The following UBXN2B variants were observed in gnomAD, a reference collection of about 807,000 sequenced individuals.
UBXN2B encodes the protein UBX domain protein 2B.
UBXN2B carries 19 observed loss-of-function variants against 37.5 expected under a neutral mutation model. That is an observed-to-expected ratio of 0.51 (90% CI 0.35 to 0.74). The LOEUF is 0.74. UBXN2B is among the 30% of genes least tolerant of loss of function. The pLI is 0.01. For missense variants in UBXN2B, 370 were observed against 393.2 expected, an observed-to-expected ratio of 0.94 and a Z score of 0.50; for synonymous variants, 145 against 143.8, an observed-to-expected ratio of 1.01 and a Z score of -0.06.
Position 58,447,439 on chromosome 8 carries a change from C to G in UBXN2B, c.884C>G (p.Ala295Gly). ...FIVQSRPEFA[A>G]LDFILVTSFP... ...GTACAGTCTCGTCCTGAATTTGCGG[C>G]TCTTGACTTTATTCTTGTGACTTCA... The change falls in exon 8 of 8, where the codon GCT becomes GGT. Residue 295 changes from alanine to glycine, a missense_variant. Physicochemically the swap from Ala to Gly is moderately conservative, Grantham distance 60. Coordinates refer to ENST00000399598, the MANE Select transcript of UBXN2B (RefSeq NM_001077619.2). The G allele has an allele frequency of 6.2e-7, 1 of 1,612,922 alleles. No homozygotes were observed. Among genetic ancestry groups the G allele is most frequent in the Non-Finnish European group, 8.5e-7 (1 of 1,179,360 alleles).
chr8:58,441,151 A>G (rs530779918), intron 6 of UBXN2B, among the ~76,000 whole-genome samples: 2 of 150,688 alleles, frequency 1.3e-5, no homozygotes, highest in Admixed American at 6.6e-5. Context: ...AGCGCAGCTC[A>G]TTTTTTTTCA....
intron 2 of UBXN2B, among the ~76,000 whole-genome samples, chr8:58,427,782 A>G (rs2129604077): frequency 6.6e-6 from 1 of 152,366 alleles, no homozygotes; most frequent in African/African-American, 2.4e-5. Flanking sequence ...CACATATTTC[A>G]GAGTCATCTG....
chr8:58,425,822 C>T (rs903288537), intron 2 of UBXN2B: 35 of 1,172,744 alleles, frequency 3.0e-5, no homozygotes, highest in Non-Finnish European at 4.1e-5. Flanking sequence ...TTCTCCTCCA[C>T]CAACATCGTA....
intron 6 of UBXN2B, among the ~76,000 whole-genome samples, chr8:58,444,728 C>T (rs1808631054): frequency 6.6e-6 from 1 of 152,172 alleles, no homozygotes. Context: ...AAAGAAATTC[C>T]TTAATATCTG....
intron 6 of UBXN2B, among the ~76,000 whole-genome samples, chr8:58,440,193 T>C (rs1310241442): frequency 1.3e-5 from 2 of 152,220 alleles, no homozygotes; most frequent in Admixed American, 1.3e-4. Flanking sequence ...TTCACCACTA[T>C]ATTATATGCC....
At chr8:58,434,534 T>G in intron 5 of UBXN2B, 30 bp downstream of exon 5, 1 of 1,452,922 alleles carries the variant, frequency 6.9e-7, no homozygotes, top group Non-Finnish European at 9.3e-7. Context: ...TTCTATTTGT[T>G]ATGTAGAGTG....
At chr8:58,422,455 A>G (rs948023339) in intron 2 of UBXN2B, among the ~76,000 whole-genome samples, 20 of 152,264 alleles carry the variant, frequency 1.3e-4, no homozygotes, top group African/African-American at 4.3e-4. Context: ...ACAAAAGTCA[A>G]TTAATGATAT....
In UBXN2B at chr8:58,431,249, C is replaced by G. The variant is rs114137316; in HGVS notation, c.339+580C>G. Among the ~76,000 whole-genome samples the G allele has an allele frequency of 4.6e-3, 698 of 152,220 alleles. 2 individuals carry two copies. Among genetic ancestry groups the G allele is most frequent in the African/African-American group, 0.016 (666 of 41,524 alleles). ...CTGTAATCCTAGCACTTTGGGAGGC[C>G]GAAGCAGGCAGATCACAGTTCAAGA... On this transcript the variant is annotated intron_variant, in intron 3 of 7. Coordinates refer to ENST00000399598, the MANE Select transcript of UBXN2B (RefSeq NM_001077619.2).
chr8:58,420,133 A>G (rs1408442521), intron 2 of UBXN2B, among the ~76,000 whole-genome samples: 1 of 152,208 alleles, frequency 6.6e-6, no homozygotes, highest in Admixed American at 6.5e-5. Context: ...TTGACTCAAG[A>G]TGGATACATC....
At chr8:58,445,736 A>T (rs1585621718) in intron 6 of UBXN2B, among the ~76,000 whole-genome samples, 171 bp from the exon 7 acceptor site, 1 of 152,314 alleles carries the variant, frequency 6.6e-6, no homozygotes, top group East Asian at 1.9e-4. Context: ...TTTATGAGAG[A>T]TTAGATAAAC....
At chr8:58,444,539 G>A (rs569353114) in intron 6 of UBXN2B, among the ~76,000 whole-genome samples, 7 of 152,146 alleles carry the variant, frequency 4.6e-5, no homozygotes, top group African/African-American at 9.7e-5. Context: ...TGGTAGTGAC[G>A]ATGATAATGT....
intron 5 of UBXN2B, 77 bp downstream of exon 5, chr8:58,434,581 C>CACT: frequency 9.1e-7 from 1 of 1,101,984 alleles, no homozygotes; most frequent in East Asian, 2.7e-5. Context: ...ATTATTAGTG[C>CACT]ACTACGGGTT....
intron 6 of UBXN2B, among the ~76,000 whole-genome samples, chr8:58,445,407 T>A (rs1808643823): frequency 6.6e-6 from 1 of 152,238 alleles, no homozygotes; most frequent in South Asian, 2.1e-4. Context: ...TTAGTGCTGA[T>A]AATATGTTCA....
rs1290727440 is a variant in UBXN2B, at chr8:58,449,296, A to G, written c.*1745A>G. On this transcript the variant is annotated 3_prime_UTR_variant, in exon 8 of 8. Transcript: ENST00000399598. ...ATGGAACATTATTCTTGCCTACTAC[A>G]GTTCCCACCCACCCCCCGCTCCACT... 1 of 152,142 alleles carries G rather than the reference A, an allele frequency of 6.6e-6. No homozygotes were observed. The highest frequency in any genetic ancestry group is 1.9e-4 in the East Asian group (1 of 5,198). The allele number at this position is 152,142 out of a possible 1,614,324, so 9.4% of individuals were successfully genotyped here. A position where few individuals can be genotyped will look rare whatever the true frequency, so the allele number is the denominator to read the frequency against.
chr8:58,414,963 A>G (rs943649531), intron 1 of UBXN2B, among the ~76,000 whole-genome samples: 7 of 152,174 alleles, frequency 4.6e-5, no homozygotes, highest in Non-Finnish European at 1.0e-4. Context: ...TTTAACAAAT[A>G]TAACCCCAAT....
Position 58,447,462 on chromosome 8 carries a change from T to A in UBXN2B, c.907T>A (p.Ser303Thr), listed in dbSNP as rs534755226. 6.2e-7 allele frequency: 1 copy of A among 1,613,452 alleles called. No individual in the cohort carries two copies. The highest frequency in any genetic ancestry group is 1.1e-5 in the South Asian group (1 of 90,990). The change falls in exon 8 of 8, where the codon TCA becomes ACA. Residue 303 changes from serine (S) to threonine (T), a missense_variant. Coordinates refer to ENST00000399598, the MANE Select transcript of UBXN2B (RefSeq NM_001077619.2). The part of the protein sequence containing the change: ...FAALDFILVT[S>T]FPNKELTDES... The stretch of plus-strand genomic sequence containing the variant: ...GGCTCTTGACTTTATTCTTGTGACT[T>A]CATTTCCGAATAAAGAGCTAACAGA...
chr8:58,423,057 C>T (rs1203139038), intron 2 of UBXN2B, among the ~76,000 whole-genome samples: 1 of 151,090 alleles, frequency 6.6e-6, no homozygotes, highest in Non-Finnish European at 1.5e-5. Flanking sequence ...GGGCATACTC[C>T]AGCTCTCTTC....
chr8:58,439,798 C>A lies in UBXN2B; in HGVS notation c.671+28C>A, dbSNP rs537171115. Reference sequence around the variant, plus strand: ...AAAAATCCTAAAATGAGAAAAATACCTTTGTTGAACATGAATTTTTCTTTG... The same window carrying A: ...AAAAATCCTAAAATGAGAAAAATACATTTGTTGAACATGAATTTTTCTTTG... On this transcript the variant is annotated intron_variant, in intron 6 of 7. Coordinates refer to ENST00000399598, the MANE Select transcript of UBXN2B (RefSeq NM_001077619.2). The A allele has an allele frequency of 1.1e-5, 17 of 1,565,976 alleles. No homozygotes were observed. The South Asian group carries it at 2.1e-4, about 19-fold the overall frequency.
At chr8:58,423,107 ATC>A (rs1563458517) in intron 2 of UBXN2B, among the ~76,000 whole-genome samples, 2 of 151,966 alleles carry the variant, frequency 1.3e-5, no homozygotes, top group African/African-American at 2.4e-5. Flanking sequence ...CATCATCATC[ATC>A]ATCATCATCA....
Sources: allele counts gnomAD v4.1 joint callset (sites outside exome capture counted in the v4.1 genomes callset), GRCh38; gene constraint gnomAD v4.1.1; transcripts MANE v1.5; gene names NCBI Gene and HGNC (gene_info 2026-07-23, HGNC 2026-07-21).